The following CNTN5 variants were observed in gnomAD, a reference collection of about 807,000 sequenced individuals.
CNTN5 encodes contactin 5, also known as contactin-5.
CNTN5 carries 77 observed loss-of-function variants against 129.1 expected under a neutral mutation model. The observed-to-expected ratio is 0.60, with a 90% confidence interval of 0.50 to 0.72. CNTN5 has a LOEUF of 0.72. Ranked by LOEUF, CNTN5 falls within the 30% of genes least tolerant of loss-of-function variation. CNTN5 has a pLI of 0.00. For synonymous variants in CNTN5, 509 were observed against 465.6 expected (o/e 1.09, Z -1.20); for missense variants, 1,478 against 1,328.8 (o/e 1.11, Z -1.75).
chr11:99,846,825 T>G (rs566355893), intron 6 of CNTN5, among the ~76,000 whole-genome samples: 1 of 152,240 alleles, frequency 6.6e-6, no homozygotes, highest in Non-Finnish European at 1.5e-5. Context: ...TAGAAAAATG[T>G]AAATATCATA....
intron 3 of CNTN5, among the ~76,000 whole-genome samples, chr11:99,574,422 C>A (rs1025772075): frequency 3.3e-5 from 5 of 152,146 alleles, no homozygotes; most frequent in African/African-American, 1.2e-4. Flanking sequence ...GATATTTACC[C>A]AGTAATGGAT....
chr11:100,285,861 G>C (rs1225804202), intron 18 of CNTN5, among the ~76,000 whole-genome samples: 1 of 152,192 alleles, frequency 6.6e-6, no homozygotes, highest in Non-Finnish European at 1.5e-5. Flanking sequence ...CATCTCACTA[G>C]GGAGTGCCAG....
intron 1 of CNTN5, among the ~76,000 whole-genome samples, chr11:99,244,559 A>T (rs373403427): frequency 3.3e-5 from 5 of 152,052 alleles, no homozygotes; most frequent in Admixed American, 3.3e-4. Flanking sequence ...TCTTTCTTTC[A>T]CAAGTTTAAT....
At chr11:100,225,807 G>C (rs1221822146) in intron 16 of CNTN5, among the ~76,000 whole-genome samples, 1 of 151,994 alleles carries the variant, frequency 6.6e-6, no homozygotes, top group African/African-American at 2.4e-5. Context: ...CTATATTTTA[G>C]ATTAACTGGT....
chr11:99,879,942 T>C (rs1948729113), intron 6 of CNTN5, among the ~76,000 whole-genome samples: 1 of 152,188 alleles, frequency 6.6e-6, no homozygotes, highest in Admixed American at 6.5e-5. Flanking sequence ...TAAAATACTT[T>C]TCCTCCTTAA....
chr11:99,777,584 A>C (rs1945169346), intron 3 of CNTN5, among the ~76,000 whole-genome samples: 1 of 151,820 alleles, frequency 6.6e-6, no homozygotes, highest in Non-Finnish European at 1.5e-5. Flanking sequence ...AAAAAGTGTT[A>C]ATTCTCAAGA....
rs78806384 is a variant in CNTN5, at chr11:99,455,674, G to T, written c.-70-100471G>T. 7.8e-3 allele frequency among the ~76,000 whole-genome samples: 1,190 copies of T among 152,084 alleles called. 21 individuals carry two copies. The highest frequency in any genetic ancestry group is 0.027 in the African/African-American group (1,110 of 41,478). ...TCTTGTCTGAATGCTCTGTGCAGAG[G>T]TTCCCGTACCTGCCAACCAAAGCAG... On this transcript the variant is annotated intron_variant, in intron 2 of 24. Transcript: ENST00000524871.
intron 17 of CNTN5, among the ~76,000 whole-genome samples, chr11:100,266,668 G>T (rs771516324): frequency 6.9e-6 from 1 of 145,840 alleles, no homozygotes; most frequent in East Asian, 2.0e-4. Context: ...AGGAATGAAG[G>T]GTGGTGGAAA....
At chr11:99,995,677 T>C (rs1036619476) in intron 8 of CNTN5, among the ~76,000 whole-genome samples, 32 of 152,252 alleles carry the variant, frequency 2.1e-4, no homozygotes, top group African/African-American at 7.0e-4. Context: ...GCCACAAACA[T>C]AGACACCCCC....
rs200717963 is a variant in CNTN5, at chr11:100,061,355, G to A, written c.1124G>A (p.Arg375His). The change falls in exon 10 of 25, where the codon CGT (arginine) becomes CAT (histidine). Residue 375 changes from arginine to histidine, a missense_variant. Coordinates refer to ENST00000524871, the MANE Select transcript of CNTN5 (RefSeq NM_014361.4). ...GIYECRAENS[R>H]GKNSFRGQLQ... ...TATGAGTGCAGAGCTGAAAACTCAC[G>A]TGGAAAAAATTCCTTTCGTGGACAA... The A allele has an allele frequency of 4.3e-5, 69 of 1,600,126 alleles. No individual in the cohort carries two copies. In the Middle Eastern group the frequency reaches 5.0e-4, roughly 12 times the overall value.
intron 18 of CNTN5, among the ~76,000 whole-genome samples, chr11:100,285,035 A>G (rs2138833372): frequency 6.6e-6 from 1 of 152,306 alleles, no homozygotes; most frequent in South Asian, 2.1e-4. Context: ...ACTCCTTTTG[A>G]CCATTCTATT....
chr11:99,477,600 A>ATAGT (rs1945424712), intron 2 of CNTN5, among the ~76,000 whole-genome samples: 1 of 151,860 alleles, frequency 6.6e-6, no homozygotes, highest in Non-Finnish European at 1.5e-5. Context: ...TTAGAAAACT[A>ATAGT]TAGTTAGAAG....
chr11:100,019,946 T>C (rs970464886), intron 9 of CNTN5, among the ~76,000 whole-genome samples: 2 of 152,024 alleles, frequency 1.3e-5, no homozygotes, highest in African/African-American at 4.8e-5. Context: ...ACCTCTTTTT[T>C]TGAGAACTGT....
chr11:100,007,713 T>C (rs1940281818), intron 9 of CNTN5, among the ~76,000 whole-genome samples: 2 of 152,234 alleles, frequency 1.3e-5, no homozygotes, highest in Admixed American at 6.5e-5. Flanking sequence ...TTTCTTTCTA[T>C]CAGCAATAAG....
At chr11:99,844,773 A>C in intron 4 of CNTN5, 79 bp from the exon 5 acceptor site, 1 of 1,383,344 alleles carries the variant, frequency 7.2e-7, no homozygotes, top group Non-Finnish European at 9.9e-7. Flanking sequence ...TTTGAATATA[A>C]GTAAGATGGA....
intron 3 of CNTN5, among the ~76,000 whole-genome samples, chr11:99,674,081 A>G (rs10893692): frequency 0.25 from 37,506 of 152,066 alleles, 4,779 homozygotes; most frequent in South Asian, 0.31. Flanking sequence ...CCAACAGTGT[A>G]CAAGCATTCC....
intron 2 of CNTN5, among the ~76,000 whole-genome samples, chr11:99,415,253 A>G (rs1386111865): frequency 7.9e-5 from 12 of 152,168 alleles, no homozygotes; most frequent in Non-Finnish European, 1.2e-4. Context: ...GTACATGGGA[A>G]GCCATCTGAT....
rs537237608 is a variant in CNTN5 at position 99,993,631 on chromosome 11, C to T, written c.878-8403C>T. Reference sequence around the variant, plus strand: ...GAATCTAATGCTGCCACTGATCTGACAAGAGGTGGAAGTCAGGCAGTAATG... The same window carrying T: ...GAATCTAATGCTGCCACTGATCTGATAAGAGGTGGAAGTCAGGCAGTAATG... On this transcript the variant is annotated intron_variant, in intron 8 of 24. Transcript: ENST00000524871. 3.2e-4 allele frequency among the ~76,000 whole-genome samples: 49 copies of T among 152,196 alleles called. 1 individual carries two copies. Among genetic ancestry groups the T allele is most frequent in the Middle Eastern group, 3.4e-3 (1 of 294 alleles).
chr11:99,525,204 C>G (rs1353507958), intron 2 of CNTN5, among the ~76,000 whole-genome samples: 1 of 151,834 alleles, frequency 6.6e-6, no homozygotes, highest in Non-Finnish European at 1.5e-5. Context: ...AACTTTAAAG[C>G]AAGATCAAAA....
Sources: gnomAD v4.1 joint callset for allele counts (sites outside exome capture counted in the v4.1 genomes callset) on GRCh38, gnomAD v4.1.1 for gene constraint, MANE v1.5 for transcripts, NCBI Gene and HGNC (gene_info 2026-07-23, HGNC 2026-07-21) for gene names.